Variants in ERC2 observed in about 807,000 individuals in gnomAD.
ERC2 encodes ERC protein 2.
In ERC2, 42 loss-of-function variants were observed where a neutral mutation model predicts 114.8. The observed-to-expected ratio is 0.37, with a 90% CI of 0.29 to 0.47. ERC2 has a LOEUF of 0.47. ERC2 is among the 20% of genes least tolerant of loss of function. ERC2 has a pLI of 0.99. For synonymous variants in ERC2, 454 were observed against 425.5 expected (o/e 1.07, Z -0.82); for missense variants, 939 against 1,150.7 (o/e 0.82, Z 2.66).
At chr3:55,957,695 C>T (rs1387017775) in intron 12 of ERC2, among the ~76,000 whole-genome samples, 3 of 152,176 alleles carry the variant, frequency 2.0e-5, no homozygotes, top group Non-Finnish European at 4.4e-5. Context: ...GGTCTGACTA[C>T]TACGCACAGC....
At chr3:55,616,483 G>A (rs1371899565) in intron 17 of ERC2, among the ~76,000 whole-genome samples, 1 of 151,950 alleles carries the variant, frequency 6.6e-6, no homozygotes, top group Non-Finnish European at 1.5e-5. Context: ...AAATATAATT[G>A]TCACTGGACT....
intron 3 of ERC2, among the ~76,000 whole-genome samples, chr3:56,272,335 T>C (rs935711699): frequency 2.0e-5 from 3 of 152,264 alleles, no homozygotes; most frequent in Admixed American, 1.3e-4. Flanking sequence ...CTGCTCTGCC[T>C]ATCTAGAAGA....
intron 15 of ERC2, among the ~76,000 whole-genome samples, chr3:55,722,107 A>C (rs373329981): frequency 2.0e-5 from 3 of 152,202 alleles, no homozygotes; most frequent in South Asian, 4.2e-4. Flanking sequence ...CTTTTTGCCC[A>C]ATTCCATTCC....
chr3:56,160,572 G>C (rs1218319054), intron 4 of ERC2, among the ~76,000 whole-genome samples: 1 of 152,076 alleles, frequency 6.6e-6, no homozygotes, highest in African/African-American at 2.4e-5. Flanking sequence ...CCAGCATGGT[G>C]TTTCCTAGAT....
At chr3:55,727,076 T>C (rs2064967529) in intron 15 of ERC2, among the ~76,000 whole-genome samples, 1 of 152,148 alleles carries the variant, frequency 6.6e-6, no homozygotes, top group Non-Finnish European at 1.5e-5. Flanking sequence ...TAAGATTTAG[T>C]TTTAAGCTTT....
chr3:55,745,307 A>C lies in ERC2; in HGVS notation c.2565-10389T>G, dbSNP rs549227408. 3.9e-5 allele frequency among the ~76,000 whole-genome samples: 6 copies of C among 152,382 alleles called. No homozygotes were observed. The East Asian group carries it at 1.2e-3, about 29-fold the overall frequency. Reference sequence around the variant, plus strand: ...GGAAATAGGCAAGACATGATGTCACATAGTTTAAGAAACTGAGAAATGGAA... The same window carrying C: ...GGAAATAGGCAAGACATGATGTCACCTAGTTTAAGAAACTGAGAAATGGAA... On this transcript the variant is annotated intron_variant, in intron 14 of 17. Coordinates refer to ENST00000288221, the MANE Select transcript of ERC2 (RefSeq NM_015576.3).
intron 2 of ERC2, among the ~76,000 whole-genome samples, chr3:56,323,939 G>GA (rs200437695): frequency 8.6e-5 from 13 of 151,316 alleles, no homozygotes; most frequent in East Asian, 5.8e-4. Context: ...GATTAGAGTA[G>GA]AAAAAAAAAG....
chr3:55,920,755 GT>G (rs1163932092), intron 13 of ERC2, among the ~76,000 whole-genome samples: 2 of 152,220 alleles, frequency 1.3e-5, no homozygotes, highest in African/African-American at 4.8e-5. Context: ...TGAAGAGGAA[GT>G]GGGGAGGTTA....
chr3:56,256,855 T>C (rs2150248154), intron 3 of ERC2, among the ~76,000 whole-genome samples: 1 of 152,304 alleles, frequency 6.6e-6, no homozygotes, highest in South Asian at 2.1e-4. Flanking sequence ...TGCTTCCCCT[T>C]CTACCATGAT....
intron 13 of ERC2, among the ~76,000 whole-genome samples, chr3:55,948,681 T>C (rs981278695): frequency 1.3e-5 from 2 of 152,212 alleles, no homozygotes; most frequent in African/African-American, 4.8e-5. Context: ...AGGCCTCTTA[T>C]GAAAATATTG....
At chr3:55,731,512 G>C (rs1407945390) in intron 15 of ERC2, among the ~76,000 whole-genome samples, 1 of 152,196 alleles carries the variant, frequency 6.6e-6, no homozygotes. Flanking sequence ...CCAATTTACA[G>C]ATGAGGAAAC....
chr3:56,240,728 C>G (rs1238290766), intron 3 of ERC2, among the ~76,000 whole-genome samples: 3 of 152,142 alleles, frequency 2.0e-5, no homozygotes, highest in Non-Finnish European at 4.4e-5. Context: ...AGCTATTAAA[C>G]TTGAAAAAGC....
At chr3:56,311,859 A>G (rs1162958525) in intron 2 of ERC2, among the ~76,000 whole-genome samples, 3 of 142,018 alleles carry the variant, frequency 2.1e-5, no homozygotes, top group East Asian at 2.1e-4. Flanking sequence ...GTGTGTGTGT[A>G]TAAAATTATA....
chr3:56,076,355 C>A (rs116201932), intron 7 of ERC2, among the ~76,000 whole-genome samples: 16 of 152,026 alleles, frequency 1.1e-4, no homozygotes, highest in Non-Finnish European at 2.2e-4. Flanking sequence ...TGAATTTGAT[C>A]GGGTTCAAAT....
intron 8 of ERC2, among the ~76,000 whole-genome samples, chr3:56,016,427 C>CTT (rs11430130): frequency 6.3e-4 from 89 of 141,236 alleles, no homozygotes; most frequent in South Asian, 5.2e-3. Flanking sequence ...CTTTTTTTTT[C>CTT]TTTTTTTTTT....
chr3:56,370,603 T>G (rs947256994), intron 2 of ERC2, among the ~76,000 whole-genome samples: 21 of 150,048 alleles, frequency 1.4e-4, no homozygotes, highest in African/African-American at 2.9e-4. Flanking sequence ...TTGTTTTTTT[T>G]TTTTTTTTTG....
chr3:55,810,952 T>A (rs1443294384), intron 14 of ERC2, among the ~76,000 whole-genome samples: 3 of 152,168 alleles, frequency 2.0e-5, no homozygotes, highest in Non-Finnish European at 4.4e-5. Context: ...CATAAAAGAA[T>A]AGTCACACCA....
At chr3:56,311,200 T>G (rs2056516260) in intron 2 of ERC2, among the ~76,000 whole-genome samples, 1 of 145,238 alleles carries the variant, frequency 6.9e-6, no homozygotes, top group Non-Finnish European at 1.5e-5. Flanking sequence ...TTTGTAAAGA[T>G]GAAATCAGTG....
intron 6 of ERC2, among the ~76,000 whole-genome samples, chr3:56,116,375 G>A (rs537427826): frequency 7.2e-5 from 11 of 152,194 alleles, no homozygotes; most frequent in South Asian, 2.1e-4. Context: ...AACCTGGAAG[G>A]GTCAAACTTG....
Sources: gnomAD v4.1 joint callset for allele counts (sites outside exome capture counted in the v4.1 genomes callset) on GRCh38, gnomAD v4.1.1 for gene constraint, MANE v1.5 for transcripts, NCBI Gene and HGNC (gene_info 2026-07-23, HGNC 2026-07-21) for gene names.